CENPE: variants seen among roughly 807,000 people sequenced by gnomAD.
CENPE encodes the protein centromere protein E.
A neutral mutation model predicts 336.1 loss-of-function variants in CENPE; 145 were observed. The observed-to-expected ratio is 0.43, with a 90% CI of 0.38 to 0.50. The LOEUF (loss-of-function observed/expected upper bound fraction) is 0.50. Ranked by LOEUF, CENPE falls within the 20% of genes least tolerant of loss-of-function variation. CENPE has a pLI of 0.00. For synonymous variants in CENPE, 1,013 were observed against 984.8 expected (o/e 1.03, Z -0.54); for missense variants, 2,719 against 3,023.3 (o/e 0.90, Z 2.36).
chr4:103,198,284 T>G lies in CENPE; in HGVS notation c.36A>C (p.Arg12=). ...AEEGAVAVCV[R]VRPLNSREES... Reference sequence around the variant, plus strand: ...CCTACCTGCTGTTCAGCGGCCGCACTCGCACGCAGACGGCCACGGCTCCTT... The same window carrying G: ...CCTACCTGCTGTTCAGCGGCCGCACGCGCACGCAGACGGCCACGGCTCCTT... Residue 12 remains arginine, a synonymous_variant, in exon 1 of 49, where the codon CGA becomes CGC. Transcript: ENST00000265148. The G allele has an allele frequency of 6.4e-7, 1 of 1,550,742 alleles. No homozygotes were observed. The highest frequency in any genetic ancestry group is 1.7e-4 in the Middle Eastern group (1 of 5,920).
chr4:103,112,236 G>T (rs957988527), intron 46 of CENPE, among the ~76,000 whole-genome samples: 9 of 146,722 alleles, frequency 6.1e-5, no homozygotes, highest in Non-Finnish European at 1.2e-4. Flanking sequence ...AAATATATAA[G>T]TATTATATAT....
At chr4:103,149,788 C>G (rs1405423087) in intron 26 of CENPE, among the ~76,000 whole-genome samples, 1 of 152,098 alleles carries the variant, frequency 6.6e-6, no homozygotes, top group Admixed American at 6.5e-5. Context: ...CGAAGGGTAG[C>G]TGGGAGACAC....
rs754065591 is a variant in CENPE, at chr4:103,145,904, G to GTCA, written c.4335_4337dup (p.Asp1446dup). On this transcript the variant is annotated inframe_insertion, in exon 30 of 49. Coordinates refer to ENST00000265148, the MANE Select transcript of CENPE (RefSeq NM_001813.3). ...GAAGAACTTCTTGCAGCCTCTGTAGGTCATCTTTCTCCTTAGCTACAGATT... is the reference window on the plus strand; with the variant it reads ...GAAGAACTTCTTGCAGCCTCTGTAGGTCATCATCTTTCTCCTTAGCTACAGATT... The GTCA allele has an allele frequency of 1.9e-6, 3 of 1,613,644 alleles. No homozygotes were observed. In the Admixed American group the frequency reaches 5.0e-5, roughly 27 times the overall value.
At chr4:103,120,117 C>CA in intron 44 of CENPE, 31 bp downstream of exon 44, 1 of 1,500,896 alleles carries the variant, frequency 6.7e-7, no homozygotes, top group Non-Finnish European at 9.1e-7. Context: ...AACAAACAAA[C>CA]AAACAACTTT....
At chr4:103,165,857 T>C (rs569058414) in intron 16 of CENPE, among the ~76,000 whole-genome samples, 11 of 149,186 alleles carry the variant, frequency 7.4e-5, no homozygotes, top group Admixed American at 7.4e-4. Flanking sequence ...TCTTTTAGAT[T>C]AGAAAGCTGA....
chr4:103,132,135 C>A (rs1751637113), intron 42 of CENPE, among the ~76,000 whole-genome samples: 1 of 152,144 alleles, frequency 6.6e-6, no homozygotes, highest in Admixed American at 6.5e-5. Flanking sequence ...AATGTAGGTT[C>A]ATCGATTGTG....
chr4:103,166,327 C>T (rs114948590), intron 16 of CENPE, among the ~76,000 whole-genome samples: 227 of 152,226 alleles, frequency 1.5e-3, no homozygotes, highest in African/African-American at 5.2e-3. Context: ...GGCAAAACTG[C>T]GGCTTAAATC....
intron 16 of CENPE, among the ~76,000 whole-genome samples, chr4:103,171,241 C>T (rs1395062911): frequency 2.0e-5 from 3 of 152,064 alleles, no homozygotes; most frequent in Non-Finnish European, 4.4e-5. Flanking sequence ...ATCAACTGCA[C>T]ATGGAACATT....
chr4:103,110,453 C>T (rs1001095031), intron 47 of CENPE, among the ~76,000 whole-genome samples: 1 of 151,928 alleles, frequency 6.6e-6, no homozygotes, highest in Non-Finnish European at 1.5e-5. Context: ...TGGTAGAAGC[C>T]GAATAATTTG....
intron 39 of CENPE, among the ~76,000 whole-genome samples, chr4:103,138,030 C>T (rs112191155): frequency 6.6e-6 from 1 of 152,298 alleles, no homozygotes; most frequent in African/African-American, 2.4e-5. Flanking sequence ...GAGTCTTCTG[C>T]CTCAGGAACT....
At chr4:103,116,019 A>G (rs1221861512) in intron 45 of CENPE, among the ~76,000 whole-genome samples, 1 of 152,046 alleles carries the variant, frequency 6.6e-6, no homozygotes, top group East Asian at 1.9e-4. Context: ...ACGTATTTCT[A>G]CTTCAGTTTC....
At chr4:103,125,818 T>A (rs1393325236) in intron 42 of CENPE, among the ~76,000 whole-genome samples, 2 of 143,822 alleles carry the variant, frequency 1.4e-5, no homozygotes, top group African/African-American at 5.3e-5. Context: ...TGAGCCGAGA[T>A]TGAGCCACTG....
intron 16 of CENPE, among the ~76,000 whole-genome samples, chr4:103,169,911 A>T (rs1257890306): frequency 1.3e-5 from 2 of 152,226 alleles, no homozygotes; most frequent in Admixed American, 6.5e-5. Flanking sequence ...AGACTGGATA[A>T]AGGAAATGTG....
Position 103,105,998 on chromosome 4 carries a change from CT to C in CENPE, c.*223del. ...TATACAAATAAATAAAACAATTCAA[CT>C]TTTAAAAGTATTACCATATGCAAGA... is the stretch of plus-strand genomic sequence containing the variant. On this transcript the variant is annotated 3_prime_UTR_variant, in exon 49 of 49. Coordinates refer to ENST00000265148, the MANE Select transcript of CENPE (RefSeq NM_001813.3). 1 of 333,784 alleles carries C rather than the reference CT, an allele frequency of 3.0e-6. No individual in the cohort carries two copies. Among genetic ancestry groups the C allele is most frequent in the Non-Finnish European group, 5.4e-6 (1 of 185,466 alleles). 20.7% of individuals were successfully genotyped at this position (333,784 alleles called of 1,614,324 possible).
chr4:103,195,091 G>C (rs1349099984), intron 5 of CENPE, 23 bp downstream of exon 5: 1 of 1,545,724 alleles, frequency 6.5e-7, no homozygotes, highest in South Asian at 1.3e-5. Context: ...CAATTTTAAA[G>C]CTCCCTTAAG....
chr4:103,163,590 A>T, intron 16 of CENPE, 37 bp from the exon 17 acceptor site: 2 of 939,384 alleles, frequency 2.1e-6, no homozygotes, highest in Non-Finnish European at 3.1e-6. Flanking sequence ...GAGCAAACCA[A>T]TAGTTAATAA....
intron 47 of CENPE, among the ~76,000 whole-genome samples, chr4:103,109,662 C>T (rs934295631): frequency 2.0e-5 from 3 of 152,136 alleles, no homozygotes; most frequent in South Asian, 2.1e-4. Context: ...AAATTCACTT[C>T]CTTGTTTTTA....
In CENPE at chr4:103,163,147, G is replaced by A; in HGVS notation, c.1832C>T (p.Ser611Leu). 6.2e-7 allele frequency: 1 copy of A among 1,607,286 alleles called. No homozygotes were observed. The highest frequency in any genetic ancestry group is 1.3e-5 in the African/African-American group (1 of 74,662). The change falls in exon 18 of 49, where the codon TCA becomes TTA. Residue 611 changes from serine to leucine, a missense_variant. By Grantham distance (145) the Ser-to-Leu change is moderately radical. Around this residue, in one of 5 missense-constraint regions of CENPE, gnomAD observed 2,437 missense variants for 2,513.3 expected, o/e 0.97. Transcript: ENST00000265148. ...QKLENIKMDL[S>L]YSLESIEDPK... ...ACGCCTGATTTTTACCAATGAGTAT[G>A]ACAAGTCCATTTTTATATTTTCTAG...
intron 29 of CENPE, among the ~76,000 whole-genome samples, chr4:103,147,030 A>G (rs1459077903): frequency 6.6e-6 from 1 of 152,224 alleles, no homozygotes; most frequent in Non-Finnish European, 1.5e-5. Flanking sequence ...TTTATGAAAC[A>G]TTAAAGGAAC....
Sources: gnomAD v4.1 joint callset for allele counts (sites outside exome capture counted in the v4.1 genomes callset) on GRCh38, gnomAD v4.1.1 for gene constraint, gnomAD v4.1.1 regional missense constraint, MANE v1.5 for transcripts, NCBI Gene and HGNC (gene_info 2026-07-23, HGNC 2026-07-21) for gene names.